ATP6AP2: variants seen among roughly 807,000 people sequenced by gnomAD.
The protein encoded by ATP6AP2 is ATPase H+ transporting accessory protein 2.
A neutral mutation model predicts 23.4 loss-of-function variants in ATP6AP2; 1 was observed. The observed-to-expected ratio is 0.04, with a 90% CI of 0.02 to 0.20. The LOEUF is 0.20. Among genes scored for constraint, ATP6AP2 ranks in the 10% least tolerant of loss-of-function variants. The pLI is 1.00. For synonymous variants in ATP6AP2, 90 were observed against 97.1 expected (o/e 0.93, Z 0.43); for missense variants, 174 against 271.3 (o/e 0.64, Z 2.52).
intron 7 of ATP6AP2, 130 bp from the exon 8 acceptor site, chrX:40,600,632 C>A: frequency 1.4e-6 from 1 of 707,126 alleles, no homozygotes; most frequent in Non-Finnish European, 2.0e-6. Flanking sequence ...GGACTTAAGC[C>A]ATTCCACAAT....
rs1480170159 is a variant in ATP6AP2 at position 40,588,983 on chromosome X, C to T, written c.38-3C>T. 1 of 1,208,048 alleles carries T rather than the reference C, an allele frequency of 8.3e-7. No homozygotes were observed. The highest frequency in any genetic ancestry group is 2.2e-5 in the Admixed American group (1 of 45,926). ...TTCATTTACTGATCTGTTTTCTTTT[C>T]AGGTGTTTTGGGGAACGAGTTTAGT... On this transcript the variant is annotated splice_polypyrimidine_tract_variant and splice_region_variant and intron_variant, in intron 1 of 8. Coordinates refer to ENST00000636580, the MANE Select transcript of ATP6AP2 (RefSeq NM_005765.3).
In ATP6AP2 at chrX:40,582,244, A is replaced by G. The variant is rs1270183769; in HGVS notation, c.37+1142A>G. On this transcript the variant is annotated intron_variant, in intron 1 of 8. Coordinates refer to ENST00000636580, the MANE Select transcript of ATP6AP2 (RefSeq NM_005765.3). ...GGAGTTTGAGACCAGCCTGGCCAAC[A>G]AGGCAAAACGCCATCTCTACTGCAA... Among the ~76,000 whole-genome samples the G allele has an allele frequency of 2.3e-4, 26 of 112,160 alleles. 1 individual carries two copies. In the Admixed American group the frequency reaches 2.5e-3, roughly 11 times the overall value.
intron 1 of ATP6AP2, among the ~76,000 whole-genome samples, chrX:40,588,314 T>C (rs1926527984): frequency 9.6e-6 from 1 of 103,775 alleles, no homozygotes; most frequent in African/African-American, 3.5e-5. Context: ...TGTTTTTATG[T>C]TTCTACTTGT....
At chrX:40,597,226 G>A (rs1316379614) in intron 3 of ATP6AP2, 23 bp from the exon 4 acceptor site, 1 of 1,091,023 alleles carries the variant, frequency 9.2e-7, no homozygotes, top group Non-Finnish European at 1.3e-6. Context: ...CATAATAATT[G>A]CGTTCTTACT....
chrX:40,603,596 G>A (rs778403306), intron 8 of ATP6AP2, among the ~76,000 whole-genome samples: 4 of 110,492 alleles, frequency 3.6e-5, no homozygotes, highest in East Asian at 2.8e-4. Context: ...TTACATTTTC[G>A]TTCTCATCCT....
Position 40,597,336 on chromosome X carries a change from A to G in ATP6AP2, c.388A>G (p.Ser130Gly), listed in dbSNP as rs761547273. 1 of 1,189,140 alleles carries G rather than the reference A, an allele frequency of 8.4e-7. No homozygotes were observed. Among genetic ancestry groups the G allele is most frequent in the Non-Finnish European group, 1.1e-6 (1 of 875,090 alleles). ...TCCTGTTGTTTTGCAGTTGGCTCCC[A>G]GTGAGGAAGTAAGTGATAAGGGTTT... The part of the protein sequence containing the change: ...ETPVVLQLAP[S>G]EERVYMVGKA... Residue 130 changes from serine to glycine, a missense_variant, in exon 4 of 9, where the codon AGT becomes GGT. By Grantham distance (56) the Ser-to-Gly change is moderately conservative. Coordinates refer to ENST00000636580, the MANE Select transcript of ATP6AP2 (RefSeq NM_005765.3).
At chrX:40,602,928 TTTTTTTTTTTTTTG>T (rs1178934740) in intron 8 of ATP6AP2, among the ~76,000 whole-genome samples, 2 of 26,485 alleles carry the variant, frequency 7.6e-5, no homozygotes, top group African/African-American at 2.1e-4. Context: ...TTTTTTTTTT[TTTTTTTTTTTTTTG>T]GATTTTTTGG....
At chrX:40,600,062 G>A (rs1168386145) in intron 7 of ATP6AP2, 2 of 253,724 alleles carry the variant, frequency 7.9e-6, no homozygotes, top group Middle Eastern at 1.4e-3. Context: ...GTGCAAGTAC[G>A]TTCACATGTT....
rs770281803 is a variant in ATP6AP2, at chrX:40,600,998, A to G, written c.858+117A>G. 88 of 780,788 alleles carry G rather than the reference A, an allele frequency of 1.1e-4. 1 individual carries two copies. In the South Asian group the frequency reaches 2.0e-3, roughly 18 times the overall value. The allele number at this position is 780,788 out of a possible 1,213,427, so 64.3% of individuals were successfully genotyped here. A position where few individuals can be genotyped will look rare whatever the true frequency, so the allele number is the denominator to read the frequency against. On this transcript the variant is annotated intron_variant, in intron 8 of 8. Coordinates refer to ENST00000636580, the MANE Select transcript of ATP6AP2 (RefSeq NM_005765.3). ...TGAATGAGCAGTCAGTAAATCTGAA[A>G]AACAATTTCAGTTAAAACGTAAGCT...
intron 5 of ATP6AP2, chrX:40,598,350 C>T (rs1276072872): frequency 3.7e-6 from 1 of 267,932 alleles, no homozygotes; most frequent in Non-Finnish European, 6.6e-6. Flanking sequence ...GCAAACTGGG[C>T]CAATGGTAGG....
In ATP6AP2 at chrX:40,605,721, A is replaced by G; in HGVS notation, c.1019A>G (p.Tyr340Cys). The change falls in exon 9 of 9, where the codon TAT becomes TGT. Residue 340 changes from tyrosine to cysteine, a missense_variant. Coordinates refer to ENST00000636580, the MANE Select transcript of ATP6AP2 (RefSeq NM_005765.3). Reference sequence around the variant, plus strand: ...GATCCTGGATATGATAGCATCATTTATAGGATGACAAACCAGAAGATTCGA... The same window carrying G: ...GATCCTGGATATGATAGCATCATTTGTAGGATGACAAACCAGAAGATTCGA... ...NMDPGYDSII[Y>C]RMTNQKIRMD 1 of 1,209,241 alleles carries G rather than the reference A, an allele frequency of 8.3e-7. No individual in the cohort carries two copies. Among genetic ancestry groups the G allele is most frequent in the Non-Finnish European group, 1.1e-6 (1 of 893,282 alleles).
At chrX:40,592,085 G>A (rs886812600) in intron 3 of ATP6AP2, 1 of 113,055 alleles carries the variant, frequency 8.8e-6, no homozygotes, top group African/African-American at 3.2e-5. Flanking sequence ...GCCCTTGGCT[G>A]TTGGACCCAA....
Position 40,591,228 on chromosome X carries a change from G to A in ATP6AP2, c.169-6G>A. 8.3e-7 allele frequency: 1 copy of A among 1,210,252 alleles called. No individual in the cohort carries two copies. Among genetic ancestry groups the A allele is most frequent in the Non-Finnish European group, 1.1e-6 (1 of 895,406 alleles). On this transcript the variant is annotated splice_polypyrimidine_tract_variant and splice_region_variant and intron_variant, in intron 2 of 8. Coordinates refer to ENST00000636580, the MANE Select transcript of ATP6AP2 (RefSeq NM_005765.3). ...TAAGCACCGCTTTGTGCTTTTCAAT[G>A]TTTAGGACCTTTCTTGGCCAGGACT...
intron 7 of ATP6AP2, chrX:40,600,188 A>T: frequency 6.7e-6 from 1 of 148,675 alleles, no homozygotes; most frequent in Non-Finnish European, 1.3e-5. Flanking sequence ...AGTACCAGAC[A>T]GTAGATGCAT....
In ATP6AP2 at chrX:40,591,231, T is replaced by G; in HGVS notation, c.169-3T>G. On this transcript the variant is annotated splice_polypyrimidine_tract_variant and splice_region_variant and intron_variant, in intron 2 of 8. Coordinates refer to ENST00000636580, the MANE Select transcript of ATP6AP2 (RefSeq NM_005765.3). ...GCACCGCTTTGTGCTTTTCAATGTT[T>G]AGGACCTTTCTTGGCCAGGACTCGC... is the stretch of plus-strand genomic sequence containing the variant. 8.3e-7 allele frequency: 1 copy of G among 1,210,366 alleles called. No homozygotes were observed.
intron 8 of ATP6AP2, 87 bp from the exon 9 acceptor site, chrX:40,605,474 G>T: frequency 1.2e-6 from 1 of 856,505 alleles, no homozygotes; most frequent in South Asian, 2.1e-5. Flanking sequence ...ATGTTTGTTA[G>T]ACAAATGAAT....
At chrX:40,602,922 T>TTTTTTTTTTG in intron 8 of ATP6AP2, among the ~76,000 whole-genome samples, 1 of 17,833 alleles carries the variant, frequency 5.6e-5, no homozygotes, top group Non-Finnish European at 1.6e-4. Context: ...TCTTTTTTTT[T>TTTTTTTTTTG]TTTTTTTTTT....
chrX:40,583,711 G>A, intron 1 of ATP6AP2, among the ~76,000 whole-genome samples: 1 of 111,889 alleles, frequency 8.9e-6, no homozygotes, highest in East Asian at 2.8e-4. Context: ...AACCTGGAGA[G>A]GGCCTGAAGA....
chrX:40,584,568 C>T (rs1256102037), intron 1 of ATP6AP2, among the ~76,000 whole-genome samples: 1 of 110,286 alleles, frequency 9.1e-6, no homozygotes, highest in Non-Finnish European at 1.9e-5. Context: ...GCAAGCTCCA[C>T]CTTCCGGGTT....
Sources: allele counts gnomAD v4.1 joint callset (sites outside exome capture counted in the v4.1 genomes callset), GRCh38; gene constraint gnomAD v4.1.1; transcripts MANE v1.5; gene names NCBI Gene and HGNC (gene_info 2026-07-23, HGNC 2026-07-21).